Variants in PTPRN2 observed in about 807,000 individuals in gnomAD.
PTPRN2 encodes protein tyrosine phosphatase receptor type N2, also known as receptor-type tyrosine-protein phosphatase N2.
Under a neutral mutation model 118.8 loss-of-function variants are expected in PTPRN2, and 74 were observed. That is an observed-to-expected ratio of 0.62 (90% CI 0.52 to 0.76). PTPRN2 has a LOEUF of 0.76. Ranked by LOEUF, PTPRN2 falls within the 30% of genes least tolerant of loss-of-function variation. PTPRN2 has a pLI of 0.00. For synonymous variants in PTPRN2, 641 were observed against 608.0 expected, an observed-to-expected ratio of 1.05 and a Z score of -0.80; for missense variants, 1,481 against 1,394.4, an observed-to-expected ratio of 1.06 and a Z score of -0.99.
intron 12 of PTPRN2, among the ~76,000 whole-genome samples, chr7:157,693,808 C>G (rs1797640214): frequency 6.6e-6 from 1 of 151,220 alleles, no homozygotes; most frequent in Non-Finnish European, 1.5e-5. Context: ...GGAGCCTCAT[C>G]CAGGCTGGGG....
chr7:157,825,626 G>A (rs1807123500), intron 12 of PTPRN2, among the ~76,000 whole-genome samples: 1 of 152,202 alleles, frequency 6.6e-6, no homozygotes, highest in Non-Finnish European at 1.5e-5. Context: ...AAGAGGACGA[G>A]TGAGCTCTGC....
At chr7:158,377,225 C>T (rs1810609880) in intron 2 of PTPRN2, among the ~76,000 whole-genome samples, 2 of 145,986 alleles carry the variant, frequency 1.4e-5, no homozygotes, top group Non-Finnish European at 3.0e-5. Context: ...CCCCCACAGC[C>T]CTGTCACACG....
Position 157,587,241 on chromosome 7 carries a change from G to A in PTPRN2, c.2496+7997C>T, listed in dbSNP as rs1800731437. 6.7e-6 allele frequency among the ~76,000 whole-genome samples: 1 copy of A among 149,884 alleles called. No homozygotes were observed. The highest frequency in any genetic ancestry group is 1.5e-5 in the Non-Finnish European group (1 of 67,786). On this transcript the variant is annotated intron_variant, in intron 17 of 22. Coordinates refer to ENST00000389418, the MANE Select transcript of PTPRN2 (RefSeq NM_002847.5). This position sits in a 1 kb window ranked among gnomAD's most constrained non-coding sequence, Gnocchi z 5.3. ...AGACACACAGGCAGACAGGCAGACA[G>A]CGAGACAGGCAGACAGACAGGCAGA...
chr7:157,909,974 C>G (rs1216122156), intron 11 of PTPRN2, among the ~76,000 whole-genome samples: 1 of 152,224 alleles, frequency 6.6e-6, no homozygotes, highest in Admixed American at 6.5e-5. Flanking sequence ...GATGATCATG[C>G]CACCACTGTT....
rs185867610 is a variant in PTPRN2, at chr7:158,050,907, C to T, written c.1723+30391G>A. On this transcript the variant is annotated intron_variant, in intron 11 of 22. Coordinates refer to ENST00000389418, the MANE Select transcript of PTPRN2 (RefSeq NM_002847.5). ...TGCACTCAGGGATGCTTGCCCCTCCCGCTGGAAGTGCTCTCCCCACGGCAG... is the reference window on the plus strand; with the variant it reads ...TGCACTCAGGGATGCTTGCCCCTCCTGCTGGAAGTGCTCTCCCCACGGCAG... 4.7e-3 allele frequency among the ~76,000 whole-genome samples: 723 copies of T among 152,344 alleles called. 9 individuals are homozygous for T. Among genetic ancestry groups the T allele is most frequent in the African/African-American group, 0.017 (699 of 41,580 alleles).
intron 21 of PTPRN2, among the ~76,000 whole-genome samples, chr7:157,549,625 T>C (rs1798496405): frequency 6.6e-6 from 1 of 152,244 alleles, no homozygotes; most frequent in Non-Finnish European, 1.5e-5. Flanking sequence ...TGATGCTGGC[T>C]GCACTCAAAT....
At chr7:158,074,107 G>A (rs561076720) in intron 11 of PTPRN2, among the ~76,000 whole-genome samples, 1 of 152,338 alleles carries the variant, frequency 6.6e-6, no homozygotes, top group African/African-American at 2.4e-5. Context: ...CCCATGTGCA[G>A]GGAAGAGTAA....
intron 12 of PTPRN2, among the ~76,000 whole-genome samples, chr7:157,855,087 G>A (rs990510749): frequency 7.4e-5 from 11 of 148,586 alleles, no homozygotes; most frequent in African/African-American, 2.0e-4. Flanking sequence ...TGGCTGTGCC[G>A]TTGCAGGGAT....
intron 11 of PTPRN2, among the ~76,000 whole-genome samples, chr7:157,923,036 G>C (rs1366408210): frequency 6.6e-6 from 1 of 152,196 alleles, no homozygotes; most frequent in Admixed American, 6.5e-5. Context: ...TGTTTACTCA[G>C]GTGAACACAT....
At chr7:158,278,844 T>G (rs1407962151) in intron 3 of PTPRN2, among the ~76,000 whole-genome samples, 4 of 152,016 alleles carry the variant, frequency 2.6e-5, no homozygotes, top group Non-Finnish European at 5.9e-5. Flanking sequence ...TTCCTCCCAG[T>G]GGGTTCGTGG....
At chr7:158,569,659 G>A (rs961872438) in intron 1 of PTPRN2, among the ~76,000 whole-genome samples, 1 of 151,822 alleles carries the variant, frequency 6.6e-6, no homozygotes, top group African/African-American at 2.4e-5. Context: ...CGGGGCGCGA[G>A]GCCGCCTAAC....
chr7:158,052,410 T>C (rs1161530890), intron 11 of PTPRN2, among the ~76,000 whole-genome samples: 3 of 152,168 alleles, frequency 2.0e-5, no homozygotes, highest in South Asian at 2.1e-4. Context: ...CTGTGGGTTA[T>C]TGGGGGAAGT....
At chr7:158,386,230 A>C (rs973853390) in intron 2 of PTPRN2, among the ~76,000 whole-genome samples, 66 of 41,172 alleles carry the variant, frequency 1.6e-3, no homozygotes, top group Admixed American at 2.0e-3. Context: ...CTGAGTCCCT[A>C]TTTCTGTGCC....
At chr7:157,901,737 T>C (rs56275445) in intron 11 of PTPRN2, among the ~76,000 whole-genome samples, 7,625 of 28,200 alleles carry the variant, frequency 0.27, 676 homozygotes, top group Admixed American at 0.33. Context: ...GGTCCTGAGG[T>C]GGGGCCTTCC....
chr7:158,231,368 A>G (rs1345510143), intron 3 of PTPRN2, among the ~76,000 whole-genome samples: 1 of 152,202 alleles, frequency 6.6e-6, no homozygotes, highest in Non-Finnish European at 1.5e-5. Flanking sequence ...AGACTGCAAA[A>G]AGCAACAAAG....
At chr7:158,053,916 CAG>C (rs1195960236) in intron 11 of PTPRN2, among the ~76,000 whole-genome samples, 9 of 149,324 alleles carry the variant, frequency 6.0e-5, no homozygotes, top group African/African-American at 1.5e-4. Flanking sequence ...CCCAGAGATG[CAG>C]AGACTCCAGA....
intron 11 of PTPRN2, among the ~76,000 whole-genome samples, chr7:157,947,348 G>A (rs1800550980): frequency 6.6e-6 from 1 of 152,160 alleles, no homozygotes; most frequent in Non-Finnish European, 1.5e-5. Flanking sequence ...AGTAACCAGG[G>A]GGTGCTAAAT....
At chr7:157,972,833 CG>C (rs1802444595) in intron 11 of PTPRN2, among the ~76,000 whole-genome samples, 1 of 69,340 alleles carries the variant, frequency 1.4e-5, no homozygotes, top group Admixed American at 1.7e-4. Context: ...CTCCACACCA[CG>C]AGAACAGGGC....
chr7:158,334,612 C>T (rs374765690), intron 2 of PTPRN2, among the ~76,000 whole-genome samples: 2,015 of 60,706 alleles, frequency 0.033, 5 homozygotes, highest in East Asian at 0.11. Flanking sequence ...CCATAAGAGC[C>T]GACGCCCGCA....
Sources: gnomAD v4.1 joint callset for allele counts (sites outside exome capture counted in the v4.1 genomes callset) on GRCh38, gnomAD v4.1.1 for gene constraint, Gnocchi (gnomAD v3.1) non-coding constraint, MANE v1.5 for transcripts, NCBI Gene and HGNC (gene_info 2026-07-23, HGNC 2026-07-21) for gene names.